NWD2: variants seen among roughly 807,000 people sequenced by gnomAD.
NWD2 encodes NACHT and WD repeat domain containing 2.
A neutral mutation model predicts 132.7 loss-of-function variants in NWD2; 37 were observed. That is an observed-to-expected ratio of 0.28 (90% CI 0.21 to 0.37). NWD2 has a LOEUF of 0.37. Ranked by LOEUF, NWD2 falls within the 10% of genes least tolerant of loss-of-function variation. NWD2 has a pLI of 1.00. For missense variants in NWD2, 1,592 were observed against 2,122.4 expected (o/e 0.75, Z 4.91); for synonymous variants, 705 against 803.0 (o/e 0.88, Z 2.06).
intron 3 of NWD2, among the ~76,000 whole-genome samples, chr4:37,384,999 A>G (rs908330738): frequency 2.6e-5 from 4 of 152,200 alleles, no homozygotes; most frequent in African/African-American, 9.7e-5. Flanking sequence ...TACACAATGT[A>G]TATATGTATC....
intron 3 of NWD2, among the ~76,000 whole-genome samples, chr4:37,385,650 G>A (rs181510184): frequency 7.1e-4 from 104 of 146,634 alleles, no homozygotes; most frequent in Admixed American, 2.5e-3. Flanking sequence ...CACAACAAAA[G>A]TTCCACCTTA....
intron 1 of NWD2, among the ~76,000 whole-genome samples, chr4:37,252,685 C>G (rs1343427185): frequency 6.6e-6 from 1 of 152,206 alleles, no homozygotes; most frequent in Non-Finnish European, 1.5e-5. Flanking sequence ...ATTTACATGT[C>G]TGGCACCCAG....
chr4:37,351,158 C>T (rs1719752638), intron 2 of NWD2, among the ~76,000 whole-genome samples: 1 of 152,058 alleles, frequency 6.6e-6, no homozygotes, highest in Admixed American at 6.6e-5. Flanking sequence ...TGTTGTGTCT[C>T]TGCCAGGTTT....
chr4:37,307,934 T>C (rs1718744783), intron 1 of NWD2, among the ~76,000 whole-genome samples: 1 of 152,174 alleles, frequency 6.6e-6, no homozygotes, highest in Non-Finnish European at 1.5e-5. Flanking sequence ...TCATTGATTT[T>C]TTTAGTTTCC....
chr4:37,301,433 A>AT (rs1560389077), intron 1 of NWD2, among the ~76,000 whole-genome samples: 1 of 151,162 alleles, frequency 6.6e-6, no homozygotes, highest in African/African-American at 2.4e-5. Context: ...TCTTTTGTCC[A>AT]TTTTTTTTCT....
intron 1 of NWD2, among the ~76,000 whole-genome samples, chr4:37,274,295 A>G (rs1364042492): frequency 6.6e-6 from 1 of 152,204 alleles, no homozygotes; most frequent in Non-Finnish European, 1.5e-5. Flanking sequence ...AGAGAATACT[A>G]TAAACACCTC....
chr4:37,312,708 A>T lies in NWD2; in HGVS notation c.152-13228A>T, dbSNP rs569678645. Among the ~76,000 whole-genome samples the T allele has an allele frequency of 7.3e-5, 11 of 151,072 alleles. 1 individual carries two copies. The South Asian group carries it at 8.3e-4, about 11-fold the overall frequency. On this transcript the variant is annotated intron_variant, in intron 1 of 6. Coordinates refer to ENST00000309447, the MANE Select transcript of NWD2 (RefSeq NM_001144990.2). ...AGAGAGGGCATCCCTGTCTTGTGCC[A>T]GTTTTCAAAGGGAATGCTTCCAGTT...
chr4:37,335,298 G>GGT (rs1719379824), intron 2 of NWD2, among the ~76,000 whole-genome samples: 1 of 46,044 alleles, frequency 2.2e-5, no homozygotes, highest in African/African-American at 5.5e-5. Context: ...CTGGGGGGTG[G>GGT]GCGGGGGGGG....
chr4:37,371,840 A>G, intron 3 of NWD2, among the ~76,000 whole-genome samples: 1 of 152,242 alleles, frequency 6.6e-6, no homozygotes, highest in East Asian at 1.9e-4. Context: ...TAATGCAAGA[A>G]ATGAACTTTA....
chr4:37,311,306 A>G, intron 1 of NWD2, among the ~76,000 whole-genome samples: 1 of 151,966 alleles, frequency 6.6e-6, no homozygotes, highest in Admixed American at 6.6e-5. Flanking sequence ...TTGTTTCCTG[A>G]CTTTTTAATG....
At chr4:37,325,678 G>A (rs1035400256) in intron 1 of NWD2, among the ~76,000 whole-genome samples, 1 of 152,072 alleles carries the variant, frequency 6.6e-6, no homozygotes, top group Non-Finnish European at 1.5e-5. Flanking sequence ...AGAATCAACT[G>A]TAAATTCTCA....
intron 2 of NWD2, among the ~76,000 whole-genome samples, chr4:37,353,639 T>G (rs1009569636): frequency 6.6e-6 from 1 of 151,984 alleles, no homozygotes. Context: ...TCGATTCAGC[T>G]ATTGATACTT....
At chr4:37,360,788 C>A (rs1577679252) in intron 3 of NWD2, among the ~76,000 whole-genome samples, 2 of 152,234 alleles carry the variant, frequency 1.3e-5, no homozygotes, top group African/African-American at 4.8e-5. Context: ...TTATCTCATC[C>A]CCATCCTTCT....
At chr4:37,254,144 C>T (rs1049420806) in intron 1 of NWD2, among the ~76,000 whole-genome samples, 14 of 152,088 alleles carry the variant, frequency 9.2e-5, no homozygotes, top group African/African-American at 2.2e-4. Context: ...TACAACCAAC[C>T]GCCCATGACA....
intron 1 of NWD2, among the ~76,000 whole-genome samples, chr4:37,250,173 C>CACAA: frequency 6.6e-6 from 1 of 152,040 alleles, no homozygotes; most frequent in East Asian, 1.9e-4. Flanking sequence ...CACACACACA[C>CACAA]ACACACACAC....
intron 3 of NWD2, among the ~76,000 whole-genome samples, chr4:37,359,714 G>A (rs1719942340): frequency 6.6e-6 from 1 of 152,176 alleles, no homozygotes; most frequent in South Asian, 2.1e-4. Flanking sequence ...AGGGAATTGA[G>A]TTCCAAAGGG....
intron 3 of NWD2, among the ~76,000 whole-genome samples, chr4:37,360,341 C>A (rs1439513618): frequency 6.6e-6 from 1 of 152,006 alleles, no homozygotes; most frequent in Non-Finnish European, 1.5e-5. Flanking sequence ...TATAATTTTT[C>A]CCCTTAAAAA....
chr4:37,316,588 C>G (rs557913925), intron 1 of NWD2, among the ~76,000 whole-genome samples: 2 of 152,040 alleles, frequency 1.3e-5, no homozygotes, highest in Non-Finnish European at 2.9e-5. Flanking sequence ...TCTTCTCCTT[C>G]TGGGACTCAC....
chr4:37,284,323 C>T (rs563017414), intron 1 of NWD2, among the ~76,000 whole-genome samples: 8 of 152,254 alleles, frequency 5.3e-5, no homozygotes, highest in Admixed American at 5.2e-4. Context: ...TAATTACTTC[C>T]CAAAAGCCTC....
Sources: gnomAD v4.1 joint callset for allele counts (sites outside exome capture counted in the v4.1 genomes callset) on GRCh38, gnomAD v4.1.1 for gene constraint, MANE v1.5 for transcripts, NCBI Gene and HGNC (gene_info 2026-07-23, HGNC 2026-07-21) for gene names.